LINGO2: variants seen among roughly 807,000 people sequenced by gnomAD.
LINGO2 encodes leucine rich repeat and Ig domain containing 2.
LINGO2 carries 14 observed loss-of-function variants against 30.6 expected under a neutral mutation model. The ratio of observed to expected loss-of-function variants is 0.46; its 90% confidence interval spans 0.30 to 0.72. The LOEUF (loss-of-function observed/expected upper bound fraction) is 0.72, where lower values mean the gene tolerates loss of function less well. LINGO2 is among the 30% of genes least tolerant of loss of function. The probability of loss-of-function intolerance (pLI) is 0.07; values close to 1 mark genes in which losing one functional copy is unlikely to be tolerated. For synonymous variants in LINGO2, 317 were observed against 288.5 expected, an observed-to-expected ratio of 1.10 and a Z score of -1.00; for missense variants, 729 against 751.7, an observed-to-expected ratio of 0.97 and a Z score of 0.35.
chr9:28,043,247 G>C (rs535118382), intron 4 of LINGO2, among the ~76,000 whole-genome samples: 1 of 152,194 alleles, frequency 6.6e-6, no homozygotes, highest in East Asian at 1.9e-4. Flanking sequence ...TGATAAAACT[G>C]CGGTAAGAAG....
In LINGO2 at chr9:28,154,538, G is replaced by T. The variant is rs142206263; in HGVS notation, c.-87+140670C>A. On this transcript the variant is annotated intron_variant, in intron 4 of 5. Transcript: ENST00000379992. ...TTTTCCTGTAATGGAGGAAATGAGG[G>T]TTTATTCACAGAGTACTGTGTTTCT... Among the ~76,000 whole-genome samples, 203 of 152,266 alleles carry T rather than the reference G, an allele frequency of 1.3e-3. 1 individual carries two copies. The Middle Eastern group carries it at 0.017, about 13-fold the overall frequency.
chr9:29,047,023 A>T, the LINGO2 span, among the ~76,000 whole-genome samples: 3 of 2,820 alleles, frequency 1.1e-3, no homozygotes, highest in Non-Finnish European at 1.9e-3. Context: ...ACCCTGGGCA[A>T]CAGAACAAGA....
chr9:28,334,982 C>T (rs948575068), intron 3 of LINGO2, among the ~76,000 whole-genome samples: 6 of 152,238 alleles, frequency 3.9e-5, no homozygotes, highest in African/African-American at 1.4e-4. Flanking sequence ...AGATAGAGGC[C>T]AGGGTTAGAA....
the LINGO2 span, among the ~76,000 whole-genome samples, chr9:28,917,267 T>C: frequency 2.0e-5 from 3 of 152,168 alleles, no homozygotes; most frequent in African/African-American, 2.4e-5. Flanking sequence ...TATCCAACTA[T>C]GGAGAATTTC....
chr9:29,006,856 C>G, the LINGO2 span, among the ~76,000 whole-genome samples: 1 of 152,028 alleles, frequency 6.6e-6, no homozygotes, highest in East Asian at 1.9e-4. Flanking sequence ...CAGATGCTCT[C>G]CAAGGTCCTT....
At chr9:28,968,362 G>A in the LINGO2 span, among the ~76,000 whole-genome samples, 1 of 152,076 alleles carries the variant, frequency 6.6e-6, no homozygotes, top group Non-Finnish European at 1.5e-5. Context: ...AATGAACTAG[G>A]AGATGAAGAA....
intron 5 of LINGO2, among the ~76,000 whole-genome samples, chr9:28,002,343 G>A (rs927381278): frequency 6.6e-6 from 1 of 151,896 alleles, no homozygotes; most frequent in South Asian, 2.1e-4. Context: ...CTATCAGCAA[G>A]TGGTTCTAAA....
the LINGO2 span, among the ~76,000 whole-genome samples, chr9:29,134,407 A>C: frequency 1.3e-5 from 2 of 152,172 alleles, no homozygotes; most frequent in Non-Finnish European, 2.9e-5. Context: ...ATTGTCTAAA[A>C]TTTGAAAAAT....
chr9:28,735,343 G>A, the LINGO2 span, among the ~76,000 whole-genome samples: 1 of 152,074 alleles, frequency 6.6e-6, no homozygotes, highest in Non-Finnish European at 1.5e-5. Flanking sequence ...TTATGAATCA[G>A]TGTTTATTCA....
At chr9:28,776,678 G>T in the LINGO2 span, among the ~76,000 whole-genome samples, 1 of 152,110 alleles carries the variant, frequency 6.6e-6, no homozygotes, top group African/African-American at 2.4e-5. Flanking sequence ...AAAATACAAT[G>T]ATGAACTAAA....
the LINGO2 span, among the ~76,000 whole-genome samples, chr9:28,807,998 C>A: frequency 8.5e-4 from 130 of 152,250 alleles, no homozygotes; most frequent in African/African-American, 2.7e-3. Context: ...ACAATAATAT[C>A]ATGACACATT....
the LINGO2 span, among the ~76,000 whole-genome samples, chr9:28,859,245 T>G: frequency 1.3e-5 from 2 of 152,068 alleles, no homozygotes; most frequent in African/African-American, 4.8e-5. Context: ...TCTTTAATTA[T>G]TATTTGGGGA....
chr9:28,091,291 A>G (rs1351170813), intron 4 of LINGO2, among the ~76,000 whole-genome samples: 1 of 152,232 alleles, frequency 6.6e-6, no homozygotes, highest in African/African-American at 2.4e-5. Context: ...AGCTGGAGGC[A>G]TCATGCTACC....
chr9:27,941,215 T>G, the LINGO2 span: 34 of 152,286 alleles, frequency 2.2e-4, no homozygotes, highest in African/African-American at 8.2e-4. Context: ...GGTGGGCGGA[T>G]CACGAGGTCA....
chr9:28,651,914 A>G (rs1282653734), intron 1 of LINGO2, among the ~76,000 whole-genome samples: 1 of 152,166 alleles, frequency 6.6e-6, no homozygotes, highest in Non-Finnish European at 1.5e-5. Flanking sequence ...ACCTTTGTGC[A>G]CAATGTATTC....
At chr9:29,098,106 T>C in the LINGO2 span, among the ~76,000 whole-genome samples, 10 of 152,246 alleles carry the variant, frequency 6.6e-5, no homozygotes, top group African/African-American at 2.4e-4. Flanking sequence ...TCTATATAAT[T>C]TATCTAGCAT....
chr9:28,881,938 G>A, the LINGO2 span, among the ~76,000 whole-genome samples: 3 of 152,064 alleles, frequency 2.0e-5, no homozygotes, highest in Non-Finnish European at 2.9e-5. Context: ...GTTAACTATT[G>A]TCTTTTCATT....
At chr9:28,413,001 T>C (rs1427495064) in intron 2 of LINGO2, among the ~76,000 whole-genome samples, 2 of 152,148 alleles carry the variant, frequency 1.3e-5, no homozygotes, top group East Asian at 1.9e-4. Context: ...ACTTAATGAA[T>C]AGTAAATACA....
chr9:29,015,289 T>C, the LINGO2 span, among the ~76,000 whole-genome samples: 1 of 152,138 alleles, frequency 6.6e-6, no homozygotes, highest in Non-Finnish European at 1.5e-5. Context: ...CTGTACCACA[T>C]AAAGGTATAC....
Sources: gnomAD v4.1 joint callset for allele counts (sites outside exome capture counted in the v4.1 genomes callset) on GRCh38, gnomAD v4.1.1 for gene constraint, MANE v1.5 for transcripts, NCBI Gene and HGNC (gene_info 2026-07-23, HGNC 2026-07-21) for gene names.